Variants in AK4 observed in about 807,000 individuals in gnomAD.
AK4 encodes the protein adenylate kinase 4.
AK4 carries 13 observed loss-of-function variants against 24.6 expected under a neutral mutation model. The ratio of observed to expected loss-of-function variants is 0.53; its 90% CI spans 0.34 to 0.84. The LOEUF (loss-of-function observed/expected upper bound fraction) is 0.84. AK4 is among the 40% of genes least tolerant of loss of function. The pLI is 0.01. For missense variants in AK4, 192 were observed against 288.2 expected, an observed-to-expected ratio of 0.67 and a Z score of 2.42; for synonymous variants, 88 against 107.0, an observed-to-expected ratio of 0.82 and a Z score of 1.10.
intron 3 of AK4, among the ~76,000 whole-genome samples, chr1:65,220,605 A>T (rs1652267556): frequency 6.6e-6 from 1 of 152,078 alleles, no homozygotes; most frequent in Non-Finnish European, 1.5e-5. Flanking sequence ...CCTCCTGAGT[A>T]GCTGGGATTA....
rs1270404664 is a variant in AK4 at position 65,218,324 on chromosome 1, G to T, written c.266-430G>T. ...AATGGAGGTGATGTAACTTGCCTGA[G>T]GTGACACAGGTAGTTAAGAGCAGAG... On this transcript the variant is annotated intron_variant, in intron 2 of 4. Coordinates refer to ENST00000327299, the MANE Select transcript of AK4 (RefSeq NM_013410.4). 2.0e-5 allele frequency among the ~76,000 whole-genome samples: 3 copies of T among 152,192 alleles called. No homozygotes were observed. In the East Asian group the frequency reaches 5.8e-4, roughly 29 times the overall value.
At chr1:65,219,183 ATATG>A (rs1184586170) in intron 3 of AK4, among the ~76,000 whole-genome samples, 4 of 151,430 alleles carry the variant, frequency 2.6e-5, no homozygotes, top group African/African-American at 9.7e-5. Context: ...ACTGATAAAT[ATATG>A]TATACAATGT....
chr1:65,225,874 C>G (rs1374976929), intron 4 of AK4, among the ~76,000 whole-genome samples, 189 bp from the exon 5 acceptor site: 1 of 152,142 alleles, frequency 6.6e-6, no homozygotes, highest in Non-Finnish European at 1.5e-5. Context: ...ACCAGAATTG[C>G]AAAAGCTATG....
At position 65,231,357 on chromosome 1, in the gene AK4, TGA is replaced by T. The variant is rs371624458; in HGVS notation, c.*5191_*5192del. On this transcript the variant is annotated 3_prime_UTR_variant, in exon 5 of 5. Transcript: ENST00000327299. ...TTTTTGTGTGTGTGTGGTGTGTGTG[TGA>T]GAGAGAGAGATACTGCAGTAAAACA... 31 of 152,710 alleles carry T rather than the reference TGA, an allele frequency of 2.0e-4. No individual in the cohort carries two copies. Among genetic ancestry groups the T allele is most frequent in the African/African-American group, 3.9e-4 (16 of 41,538 alleles). The allele number at this position is 152,710 out of a possible 1,614,324, so 9.5% of individuals were successfully genotyped here.
intron 2 of AK4, among the ~76,000 whole-genome samples, chr1:65,205,369 G>T (rs1024665656): frequency 6.6e-6 from 1 of 152,142 alleles, no homozygotes; most frequent in African/African-American, 2.4e-5. Context: ...CAAGTAGCTA[G>T]GACTACAGGT....
chr1:65,162,734 G>A (rs866005629), intron 1 of AK4, among the ~76,000 whole-genome samples: 2 of 151,090 alleles, frequency 1.3e-5, no homozygotes, highest in Non-Finnish European at 2.9e-5. Flanking sequence ...GTTGTAAAAC[G>A]ATCACCACTA....
At chr1:65,224,912 A>G in intron 4 of AK4, 42 bp downstream of exon 4, 1 of 1,507,212 alleles carries the variant, frequency 6.6e-7, no homozygotes, top group Non-Finnish European at 9.2e-7. Flanking sequence ...GACAGACTGG[A>G]AAGGTGTGGA....
intron 2 of AK4, among the ~76,000 whole-genome samples, chr1:65,192,519 C>T (rs938232413): frequency 2.0e-5 from 3 of 152,170 alleles, no homozygotes; most frequent in African/African-American, 7.2e-5. Context: ...CCCTACCCAC[C>T]TCCCCCTCCA....
chr1:65,162,380 G>A (rs376101161), intron 1 of AK4, among the ~76,000 whole-genome samples: 20 of 152,284 alleles, frequency 1.3e-4, no homozygotes, highest in African/African-American at 4.6e-4. Flanking sequence ...TGGTAGAAGC[G>A]GAGGCTGGAA....
intron 2 of AK4, among the ~76,000 whole-genome samples, chr1:65,198,914 A>G (rs1651571889): frequency 6.6e-6 from 1 of 151,494 alleles, no homozygotes; most frequent in Admixed American, 6.6e-5. Flanking sequence ...CCTCTCTACA[A>G]AAATATAGAA....
At chr1:65,169,204 G>T (rs182065135) in intron 1 of AK4, among the ~76,000 whole-genome samples, 1 of 149,260 alleles carries the variant, frequency 6.7e-6, no homozygotes, top group Admixed American at 6.7e-5. Flanking sequence ...AAAAAGAAAA[G>T]AAAAGAAAAA....
At chr1:65,209,336 A>T (rs1018082870) in intron 2 of AK4, among the ~76,000 whole-genome samples, 1 of 152,266 alleles carries the variant, frequency 6.6e-6, no homozygotes, top group Non-Finnish European at 1.5e-5. Flanking sequence ...TGGGCTAATT[A>T]AGGAACCTAG....
intron 3 of AK4, among the ~76,000 whole-genome samples, chr1:65,222,219 T>C (rs979957390): frequency 6.6e-6 from 1 of 152,178 alleles, no homozygotes; most frequent in African/African-American, 2.4e-5. Flanking sequence ...ACTCTCCCTG[T>C]CCTGCTTCTG....
chr1:65,202,199 C>T lies in AK4; in HGVS notation c.265+11370C>T, dbSNP rs556503841. Among the ~76,000 whole-genome samples the T allele has an allele frequency of 4.0e-5, 6 of 149,484 alleles. No individual in the cohort carries two copies. In the East Asian group the frequency reaches 6.1e-4, roughly 15 times the overall value. On this transcript the variant is annotated intron_variant, in intron 2 of 4. Transcript: ENST00000327299. Reference sequence around the variant, plus strand: ...GATCACAAGGTCAGGAGATTGAGACCGTCCTGGCTAACACGGTGAGACCCC... The same window carrying T: ...GATCACAAGGTCAGGAGATTGAGACTGTCCTGGCTAACACGGTGAGACCCC...
intron 2 of AK4, among the ~76,000 whole-genome samples, chr1:65,217,871 T>A (rs1037318230): frequency 1.3e-5 from 2 of 152,228 alleles, no homozygotes; most frequent in Admixed American, 6.5e-5. Flanking sequence ...AATTTCAAAT[T>A]TTTTCCAGCT....
chr1:65,154,467 TC>T (rs1363165974), intron 1 of AK4: 2 of 513,184 alleles, frequency 3.9e-6, no homozygotes, highest in Non-Finnish European at 3.9e-6. Context: ...CTTGTTGCAC[TC>T]CTGACAGCAA....
At chr1:65,188,189 A>G (rs1321413662) in intron 1 of AK4, among the ~76,000 whole-genome samples, 5 of 152,030 alleles carry the variant, frequency 3.3e-5, no homozygotes, top group African/African-American at 1.2e-4. Flanking sequence ...GAGGTCAGGA[A>G]TTGGTGACCA....
At chr1:65,194,501 G>A (rs962043459) in intron 2 of AK4, among the ~76,000 whole-genome samples, 27 of 151,316 alleles carry the variant, frequency 1.8e-4, no homozygotes, top group Admixed American at 7.9e-4. Context: ...AGTCTCTGTC[G>A]CCCAGGCCAG....
chr1:65,159,111 A>G (rs989755702), intron 1 of AK4, among the ~76,000 whole-genome samples: 3 of 152,214 alleles, frequency 2.0e-5, no homozygotes, highest in Admixed American at 2.0e-4. Flanking sequence ...TTTATCATCT[A>G]ACTTCCAAGA....
Sources: gnomAD v4.1 joint callset for allele counts (sites outside exome capture counted in the v4.1 genomes callset) on GRCh38, gnomAD v4.1.1 for gene constraint, MANE v1.5 for transcripts, NCBI Gene and HGNC (gene_info 2026-07-23, HGNC 2026-07-21) for gene names.